Variants in CSMD2 observed in about 807,000 individuals in gnomAD.
CSMD2 encodes the protein CUB and Sushi multiple domains 2, also known as CUB and sushi domain-containing protein 2.
Under a neutral mutation model 398.5 loss-of-function variants are expected in CSMD2, and 130 were observed. The ratio of observed to expected loss-of-function variants is 0.33; its 90% CI spans 0.28 to 0.38. The LOEUF is 0.38. Ranked by LOEUF, CSMD2 falls within the 10% of genes least tolerant of loss-of-function variation. The pLI is 1.00. For synonymous variants in CSMD2, 1,828 were observed against 1,908.5 expected, an observed-to-expected ratio of 0.96 and a Z score of 1.10; for missense variants, 3,829 against 4,764.9, an observed-to-expected ratio of 0.80 and a Z score of 5.78.
At chr1:34,086,965 C>T (rs1265697533) in intron 2 of CSMD2, among the ~76,000 whole-genome samples, 1 of 152,032 alleles carries the variant, frequency 6.6e-6, no homozygotes, top group Non-Finnish European at 1.5e-5. Context: ...TGCATACCCT[C>T]CTTTGCTTGT....
At chr1:33,806,182 G>GCCTATCT (rs1656210303) in intron 10 of CSMD2, among the ~76,000 whole-genome samples, 1 of 152,176 alleles carries the variant, frequency 6.6e-6, no homozygotes, top group Non-Finnish European at 1.5e-5. Context: ...TTAGAAATGA[G>GCCTATCT]CCTATCTCCT....
Position 33,590,395 on chromosome 1 carries a change from C to T in CSMD2, c.6857-3227G>A, listed in dbSNP as rs554673704. Among the ~76,000 whole-genome samples the T allele has an allele frequency of 1.6e-4, 24 of 150,600 alleles. No individual in the cohort carries two copies. In the South Asian group the frequency reaches 4.9e-3, roughly 31 times the overall value. Reference sequence around the variant, plus strand: ...TCAAGTGATCCTCCCACCTTGACCTCCCAAAGTGCTGGGATTACAGGTGTG... The same window carrying T: ...TCAAGTGATCCTCCCACCTTGACCTTCCAAAGTGCTGGGATTACAGGTGTG... On this transcript the variant is annotated intron_variant, in intron 44 of 70. Coordinates refer to ENST00000373381, the MANE Select transcript of CSMD2 (RefSeq NM_001281956.2).
chr1:33,650,871 G>A (rs1460451805), intron 28 of CSMD2, among the ~76,000 whole-genome samples: 1 of 152,114 alleles, frequency 6.6e-6, no homozygotes, highest in Non-Finnish European at 1.5e-5. Flanking sequence ...ACACTGATTA[G>A]AATTCTTCAC....
At position 33,537,695 on chromosome 1, in the gene CSMD2, C is replaced by T. The variant is rs968795150; in HGVS notation, c.9632-86G>A. 3 of 1,379,606 alleles carry T rather than the reference C, an allele frequency of 2.2e-6. No individual in the cohort carries two copies. Among genetic ancestry groups the T allele is most frequent in the African/African-American group, 1.4e-5 (1 of 69,720 alleles). The allele number at this position is 1,379,606 out of a possible 1,614,324, so 85.5% of individuals were successfully genotyped here. Reference sequence around the variant, plus strand: ...CCCACACCCCCATCTTTGTTCTTTGCACTGCTCCCTTCCTGGTTGAGCTTG... The same window carrying T: ...CCCACACCCCCATCTTTGTTCTTTGTACTGCTCCCTTCCTGGTTGAGCTTG... On this transcript the variant is annotated intron_variant, in intron 60 of 70. Coordinates refer to ENST00000373381, the MANE Select transcript of CSMD2 (RefSeq NM_001281956.2). This position sits in a 1 kb window ranked among gnomAD's most constrained non-coding sequence, Gnocchi z 4.6.
intron 22 of CSMD2, among the ~76,000 whole-genome samples, chr1:33,708,871 T>C (rs369790474): frequency 2.6e-5 from 4 of 152,306 alleles, no homozygotes; most frequent in African/African-American, 7.2e-5. Context: ...ATGCATTTGA[T>C]AGCAGGCAGC....
chr1:34,043,595 T>C (rs552142177), intron 2 of CSMD2, among the ~76,000 whole-genome samples: 56 of 152,282 alleles, frequency 3.7e-4, no homozygotes, highest in Admixed American at 1.4e-3. Flanking sequence ...TTAGATGCAA[T>C]ATAGAGTCAA....
chr1:33,544,794 T>G (rs948580651), intron 57 of CSMD2, among the ~76,000 whole-genome samples: 1 of 151,002 alleles, frequency 6.6e-6, no homozygotes, highest in African/African-American at 2.5e-5. Context: ...ACTTGAGTGA[T>G]GGACACTGTA....
At chr1:33,700,016 T>TC (rs1333370795) in intron 23 of CSMD2, among the ~76,000 whole-genome samples, 1 of 151,522 alleles carries the variant, frequency 6.6e-6, no homozygotes, top group Non-Finnish European at 1.5e-5. Flanking sequence ...CTCCATTTTT[T>TC]TTTTTCTTTT....
chr1:34,116,084 T>C (rs889793016), intron 1 of CSMD2, among the ~76,000 whole-genome samples: 13 of 152,064 alleles, frequency 8.5e-5, no homozygotes, highest in African/African-American at 3.1e-4. Flanking sequence ...AAGAAAATGG[T>C]AATAGTAAGT....
chr1:34,135,511 G>C (rs112220083), intron 1 of CSMD2, among the ~76,000 whole-genome samples: 1 of 150,074 alleles, frequency 6.7e-6, no homozygotes, highest in Non-Finnish European at 1.5e-5. Context: ...CCAGCTACTC[G>C]GGAGGCTAAG....
rs1310126235 is a variant in CSMD2 at position 33,742,584 on chromosome 1, C to T, written c.2173+696G>A. On this transcript the variant is annotated intron_variant, in intron 14 of 70. Transcript: ENST00000373381. The stretch of plus-strand genomic sequence containing the variant: ...TCTAGTCACCAAGCTTCTGCCCCCC[C>T]CCCCCCAACCCCCTCTGTAACCACG... Among the ~76,000 whole-genome samples the T allele has an allele frequency of 1.5e-3, 207 of 139,194 alleles. 6 individuals carry two copies. The highest frequency in any genetic ancestry group is 4.9e-3 in the African/African-American group (179 of 36,758). The allele number at this position is 139,194 out of a possible 152,430, so 91.3% of individuals were successfully genotyped here.
intron 13 of CSMD2, among the ~76,000 whole-genome samples, chr1:33,750,693 T>C (rs932177344): frequency 6.6e-6 from 1 of 152,150 alleles, no homozygotes; most frequent in Non-Finnish European, 1.5e-5. Context: ...CAAAAATATA[T>C]GATAAAGGGG....
chr1:33,788,503 G>A (rs1044367812), intron 12 of CSMD2, 97 bp downstream of exon 12: 25 of 614,814 alleles, frequency 4.1e-5, no homozygotes, highest in Middle Eastern at 3.0e-4. Flanking sequence ...GTGAGACTCC[G>A]TCTCAAAAAA....
chr1:34,142,377 T>C (rs1043977365), intron 1 of CSMD2, among the ~76,000 whole-genome samples: 2 of 152,188 alleles, frequency 1.3e-5, no homozygotes, highest in African/African-American at 4.8e-5. Context: ...CTCAGTCTCC[T>C]TTCAGAAGCC....
chr1:34,136,208 T>C (rs551303010), intron 1 of CSMD2, among the ~76,000 whole-genome samples: 3 of 152,312 alleles, frequency 2.0e-5, no homozygotes, highest in Admixed American at 2.0e-4. Context: ...ACTATTTCAC[T>C]GAACTGGTGA....
chr1:33,651,409 A>G (rs1231026948), intron 28 of CSMD2, among the ~76,000 whole-genome samples: 1 of 152,256 alleles, frequency 6.6e-6, no homozygotes, highest in Admixed American at 6.5e-5. Flanking sequence ...CAGTGTCTGC[A>G]GGCCCCAGAC....
chr1:34,153,403 T>C (rs1640510115), intron 1 of CSMD2, among the ~76,000 whole-genome samples: 1 of 152,234 alleles, frequency 6.6e-6, no homozygotes, highest in Admixed American at 6.5e-5. Flanking sequence ...TTTTTAAAGC[T>C]GAAAGATTAT....
chr1:33,912,901 C>T (rs1643533964), intron 5 of CSMD2, among the ~76,000 whole-genome samples: 1 of 152,196 alleles, frequency 6.6e-6, no homozygotes, highest in Non-Finnish European at 1.5e-5. Context: ...CAGCCTCTAC[C>T]TCCAGGGCTC....
Position 33,537,322 on chromosome 1 carries a change from C to G in CSMD2, c.9805+114G>C, listed in dbSNP as rs532267342. The G allele has an allele frequency of 9.2e-5, 115 of 1,243,856 alleles. 2 individuals are homozygous for G. The highest frequency in any genetic ancestry group is 8.1e-4 in the Admixed American group (39 of 48,216). The allele number at this position is 1,243,856 out of a possible 1,614,324, so 77.1% of individuals were successfully genotyped here. ...GCAGAAGCTCAGAGGATGAGATGTT[C>G]CCTTTTGCAGATGAGACCACTGAAG... On this transcript the variant is annotated intron_variant, in intron 61 of 70. Coordinates refer to ENST00000373381, the MANE Select transcript of CSMD2 (RefSeq NM_001281956.2). The surrounding 1 kb of genome is among the most constrained non-coding windows in gnomAD (Gnocchi z 4.6).
Sources: gnomAD v4.1 joint callset for allele counts (sites outside exome capture counted in the v4.1 genomes callset) on GRCh38, gnomAD v4.1.1 for gene constraint, Gnocchi (gnomAD v3.1) non-coding constraint, MANE v1.5 for transcripts, NCBI Gene and HGNC (gene_info 2026-07-23, HGNC 2026-07-21) for gene names.